Variants in ITPK1 observed in about 807,000 individuals in gnomAD.
The protein encoded by ITPK1 is inositol-tetrakisphosphate 1-kinase, also known as inositol 1,3,4-trisphosphate 5/6-kinase.
In ITPK1, 21 loss-of-function variants were observed where a neutral mutation model predicts 45.3. That is an observed-to-expected ratio of 0.46 (90% CI 0.33 to 0.67). The LOEUF (loss-of-function observed/expected upper bound fraction) is 0.67. Among genes scored for constraint, ITPK1 ranks in the 30% least tolerant of loss-of-function variants. ITPK1 has a pLI of 0.02. For missense variants in ITPK1, 474 were observed against 573.5 expected, an observed-to-expected ratio of 0.83 and a Z score of 1.77; for synonymous variants, 258 against 253.6, an observed-to-expected ratio of 1.02 and a Z score of -0.16.
At chr14:93,066,302 G>A (rs573289501) in intron 3 of ITPK1, 7 of 452,542 alleles carry the variant, frequency 1.5e-5, no homozygotes, top group Admixed American at 2.4e-5. Context: ...GTGTGTGCGC[G>A]TGCATGTGTG....
intron 5 of ITPK1, among the ~76,000 whole-genome samples, chr14:92,972,930 C>A (rs1362701664): frequency 6.6e-6 from 1 of 152,222 alleles, no homozygotes; most frequent in African/African-American, 2.4e-5. Context: ...CCCAGCCAAA[C>A]CCTTGTGCCA....
At chr14:93,090,306 G>C (rs1404514528) in intron 2 of ITPK1, among the ~76,000 whole-genome samples, 1 of 152,176 alleles carries the variant, frequency 6.6e-6, no homozygotes, top group Non-Finnish European at 1.5e-5. Flanking sequence ...TGCCTACCAT[G>C]CACAACACGG....
chr14:92,976,846 C>T (rs991878726), intron 5 of ITPK1, among the ~76,000 whole-genome samples: 5 of 152,238 alleles, frequency 3.3e-5, no homozygotes, highest in African/African-American at 1.2e-4. Context: ...GCATAATAGC[C>T]TTTGTCACTG....
chr14:93,109,619 C>A (rs1892663651), intron 2 of ITPK1, among the ~76,000 whole-genome samples: 1 of 152,218 alleles, frequency 6.6e-6, no homozygotes. Context: ...ATAAATTTCT[C>A]AGCTTCCCCA....
At chr14:93,112,973 A>G (rs541210199) in intron 2 of ITPK1, among the ~76,000 whole-genome samples, 1 of 152,352 alleles carries the variant, frequency 6.6e-6, no homozygotes, top group East Asian at 1.9e-4. Flanking sequence ...TTTTGCAGCC[A>G]GTATAGAAAT....
In ITPK1 at chr14:92,986,359, A is replaced by T. The variant is rs562541522; in HGVS notation, c.364+7521T>A. Among the ~76,000 whole-genome samples, 29 of 152,224 alleles carry T rather than the reference A, an allele frequency of 1.9e-4. No individual in the cohort carries two copies. The East Asian group carries it at 4.6e-3, about 24-fold the overall frequency. Reference sequence around the variant, plus strand: ...CAGGAGACTCAGTGTGAGTAGGGGGAAGAAAGCCTGGGAGTGGAGTCTGGA... The same window carrying T: ...CAGGAGACTCAGTGTGAGTAGGGGGTAGAAAGCCTGGGAGTGGAGTCTGGA... On this transcript the variant is annotated intron_variant, in intron 5 of 10. Coordinates refer to ENST00000267615, the MANE Select transcript of ITPK1 (RefSeq NM_014216.6).
At chr14:93,069,244 A>C (rs1455067073) in intron 3 of ITPK1, 1 of 154,054 alleles carries the variant, frequency 6.5e-6, no homozygotes, top group Non-Finnish European at 1.5e-5. Flanking sequence ...CTCTTCCCCC[A>C]TAGCCTCAGG....
At chr14:93,021,599 A>AAAAAAAAAAG (rs1456123679) in intron 3 of ITPK1, among the ~76,000 whole-genome samples, 4 of 142,632 alleles carry the variant, frequency 2.8e-5, no homozygotes, top group Admixed American at 2.1e-4. Flanking sequence ...TCTCAAAAAA[A>AAAAAAAAAAG]AAAAGAAAAG....
chr14:93,056,344 T>C lies in ITPK1; in HGVS notation c.120+20251A>G, dbSNP rs530854225. 3.9e-4 allele frequency among the ~76,000 whole-genome samples: 59 copies of C among 152,242 alleles called. No homozygotes were observed. In the South Asian group the frequency reaches 0.012, roughly 30 times the overall value. The stretch of plus-strand genomic sequence containing the variant: ...AAGGGCAGTGTGGCATGTGAGGGCT[T>C]CTGCAGCTTACCCATGCTGAGAAGG... On this transcript the variant is annotated intron_variant, in intron 3 of 10. Transcript: ENST00000267615.
intron 2 of ITPK1, among the ~76,000 whole-genome samples, chr14:93,108,606 C>G (rs1188007256): frequency 6.6e-6 from 1 of 152,282 alleles, no homozygotes; most frequent in Non-Finnish European, 1.5e-5. Context: ...AGAGGACCAT[C>G]TCACCCACAG....
chr14:93,050,120 T>C (rs2180369), intron 3 of ITPK1, among the ~76,000 whole-genome samples: 20,265 of 152,176 alleles, frequency 0.13, 1,538 homozygotes, highest in South Asian at 0.26. Context: ...ATACTCTCAC[T>C]GCCTTAAATA....
intron 2 of ITPK1, among the ~76,000 whole-genome samples, chr14:93,090,160 T>C (rs1891809926): frequency 6.6e-6 from 1 of 150,638 alleles, no homozygotes; most frequent in Non-Finnish European, 1.5e-5. Context: ...CTGCAGCAGG[T>C]GCACACCTCC....
intron 2 of ITPK1, among the ~76,000 whole-genome samples, chr14:93,097,488 A>G (rs12436769): frequency 0.25 from 37,331 of 152,084 alleles, 5,007 homozygotes; most frequent in African/African-American, 0.36. Context: ...CAAGCTGACC[A>G]CACACACGCA....
chr14:92,965,961 C>A (rs949607525), intron 5 of ITPK1, among the ~76,000 whole-genome samples: 2 of 152,230 alleles, frequency 1.3e-5, no homozygotes, highest in Non-Finnish European at 2.9e-5. Flanking sequence ...CAAGATCGCG[C>A]CATTGCATTC....
At chr14:93,059,147 T>G (rs995778994) in intron 3 of ITPK1, among the ~76,000 whole-genome samples, 1 of 5,868 alleles carries the variant, frequency 1.7e-4, no homozygotes. Flanking sequence ...GTGGAGGGGG[T>G]GTGGGTCACG....
At chr14:93,102,310 G>C (rs141156084) in intron 2 of ITPK1, among the ~76,000 whole-genome samples, 2 of 152,256 alleles carry the variant, frequency 1.3e-5, no homozygotes, top group South Asian at 2.1e-4. Flanking sequence ...TGATAAAAAG[G>C]GTGCTTGGGA....
intron 5 of ITPK1, among the ~76,000 whole-genome samples, chr14:92,990,532 T>C (rs537679574): frequency 6.6e-6 from 1 of 152,296 alleles, no homozygotes; most frequent in African/African-American, 2.4e-5. Context: ...TGATACGAAG[T>C]GGGTGGGTTT....
At chr14:93,009,690 C>T (rs936463520) in intron 4 of ITPK1, among the ~76,000 whole-genome samples, 2 of 152,222 alleles carry the variant, frequency 1.3e-5, no homozygotes, top group African/African-American at 4.8e-5. Flanking sequence ...CAGAACAGGA[C>T]ATGATCTGTT....
At position 93,037,492 on chromosome 14, in the gene ITPK1, G is replaced by A. The variant is rs1023221009; in HGVS notation, c.121-20691C>T. Among the ~76,000 whole-genome samples, 9 of 152,200 alleles carry A rather than the reference G, an allele frequency of 5.9e-5. 1 individual carries two copies. Among genetic ancestry groups the A allele is most frequent in the Admixed American group, 6.5e-5 (1 of 15,276 alleles). On this transcript the variant is annotated intron_variant, in intron 3 of 10. Coordinates refer to ENST00000267615, the MANE Select transcript of ITPK1 (RefSeq NM_014216.6). The stretch of plus-strand genomic sequence containing the variant: ...AGGTAAGCTTCAGGATGTAGCCCCA[G>A]GCCCCAGCCACCTAGATGCACCTTA...
Sources: gnomAD v4.1 joint callset for allele counts (sites outside exome capture counted in the v4.1 genomes callset) on GRCh38, gnomAD v4.1.1 for gene constraint, MANE v1.5 for transcripts, NCBI Gene and HGNC (gene_info 2026-07-23, HGNC 2026-07-21) for gene names.